Variants in MYOM2 observed in about 807,000 individuals in gnomAD.
MYOM2 encodes myomesin 2, also known as myomesin-2.
A neutral mutation model predicts 187.6 loss-of-function variants in MYOM2; 254 were observed. That is an observed-to-expected ratio of 1.35 (90% confidence interval 1.22 to 1.50). MYOM2 has a LOEUF of 1.50. Among genes scored for constraint, MYOM2 ranks in the 40% most tolerant of loss-of-function variants. MYOM2 has a pLI of 0.00. For missense variants in MYOM2, 2,796 were observed against 1,924.0 expected, an observed-to-expected ratio of 1.45 and a Z score of -8.48; for synonymous variants, 981 against 753.8, an observed-to-expected ratio of 1.30 and a Z score of -4.94.
intron 6 of MYOM2, among the ~76,000 whole-genome samples, chr8:2,062,197 C>T (rs571527406): frequency 4.1e-4 from 62 of 152,260 alleles, no homozygotes; most frequent in Middle Eastern, 6.8e-3. Flanking sequence ...CTGCAGATCA[C>T]GGGGACCCCG....
At chr8:2,125,901 C>G (rs573160164) in intron 31 of MYOM2, among the ~76,000 whole-genome samples, 1 of 151,822 alleles carries the variant, frequency 6.6e-6, no homozygotes, top group African/African-American at 2.4e-5. Context: ...CATGCTTGAG[C>G]CACTGTGCCT....
chr8:2,050,180 T>C (rs1818435762), intron 1 of MYOM2, among the ~76,000 whole-genome samples: 1 of 152,148 alleles, frequency 6.6e-6, no homozygotes, highest in Non-Finnish European at 1.5e-5. Context: ...AAGTCTCCCA[T>C]GATCCTGGAT....
chr8:2,081,822 G>C (rs1173238096), intron 13 of MYOM2: 2 of 152,284 alleles, frequency 1.3e-5, no homozygotes, highest in African/African-American at 4.8e-5. Flanking sequence ...AGTTGATAAA[G>C]TGGAAGTTTG....
At chr8:2,069,763 C>A (rs1819151829) in intron 8 of MYOM2, among the ~76,000 whole-genome samples, 1 of 152,100 alleles carries the variant, frequency 6.6e-6, no homozygotes, top group Non-Finnish European at 1.5e-5. Flanking sequence ...AGCATGCTGA[C>A]AATTTGTTCC....
At chr8:2,076,435 T>C (rs904605338) in intron 11 of MYOM2, among the ~76,000 whole-genome samples, 153 bp downstream of exon 11, 6 of 152,232 alleles carry the variant, frequency 3.9e-5, no homozygotes, top group African/African-American at 1.4e-4. Flanking sequence ...AGTTCCTATT[T>C]AGGTAATTGG....
At chr8:2,100,004 CTTCCTTCCTTTCT>C (rs1334476274) in intron 19 of MYOM2, among the ~76,000 whole-genome samples, 2 of 115,484 alleles carry the variant, frequency 1.7e-5, no homozygotes, top group Admixed American at 8.4e-5. Flanking sequence ...TCTTTCCTTC[CTTCCTTCCTTTCT>C]TTCCTTCCTT....
At chr8:2,071,674 G>A (rs557956537) in intron 8 of MYOM2, among the ~76,000 whole-genome samples, 4 of 152,206 alleles carry the variant, frequency 2.6e-5, no homozygotes, top group South Asian at 4.2e-4. Flanking sequence ...TAATTCTTCC[G>A]CAGTGGCTTG....
At chr8:2,124,725 C>G (rs1039518876) in intron 31 of MYOM2, among the ~76,000 whole-genome samples, 5 of 152,156 alleles carry the variant, frequency 3.3e-5, no homozygotes, top group African/African-American at 1.2e-4. Context: ...CAATCATGCA[C>G]AAGTGTTCCT....
At chr8:2,071,797 C>T (rs1428884579) in intron 8 of MYOM2, among the ~76,000 whole-genome samples, 1 of 152,226 alleles carries the variant, frequency 6.6e-6, no homozygotes, top group Non-Finnish European at 1.5e-5. Context: ...GGCATGGCTT[C>T]TGGTGAGGAG....
At chr8:2,055,031 T>TGGGGGAACGAAGTACCTGGATACTG (rs539818407) in intron 3 of MYOM2, among the ~76,000 whole-genome samples, 5 of 37,098 alleles carry the variant, frequency 1.3e-4, no homozygotes, top group African/African-American at 3.7e-4. Context: ...ACCTGGATAC[T>TGGGGGAACGAAGTACCTGGATACTG]GGGGAACCAA....
intron 14 of MYOM2, among the ~76,000 whole-genome samples, chr8:2,087,272 C>T (rs538970051): frequency 1.3e-5 from 2 of 152,250 alleles, no homozygotes; most frequent in South Asian, 4.1e-4. Context: ...CATATAGAAG[C>T]TTATGCCACC....
chr8:2,068,015 A>T (rs944460827), intron 6 of MYOM2, among the ~76,000 whole-genome samples: 1 of 152,142 alleles, frequency 6.6e-6, no homozygotes, highest in African/African-American at 2.4e-5. Context: ...TACGCCAGGT[A>T]CAAGCTGTGT....
intron 8 of MYOM2, among the ~76,000 whole-genome samples, chr8:2,071,925 C>T (rs148362492): frequency 7.8e-4 from 119 of 152,280 alleles, no homozygotes; most frequent in Non-Finnish European, 1.4e-3. Flanking sequence ...CCCACTCTCA[C>T]GATCTCATCC....
Position 2,117,889 on chromosome 8 carries a change from T to C in MYOM2, c.3390T>C (p.Pro1130=), listed in dbSNP as rs146153942. 6.2e-7 allele frequency: 1 copy of C among 1,612,318 alleles called. No homozygotes were observed. Among genetic ancestry groups the C allele is most frequent in the African/African-American group, 1.3e-5 (1 of 74,856 alleles). ...QRKEFLRKQG[P]HFAEYLHWDV... is the part of the protein sequence containing the mutation. ...CTTCCCTTTTTTCCTCCCTAGGCCC[T>C]CATTTTGCTGAGTACTTGCACTGGG... The change falls in exon 28 of 37, where the codon CCT becomes CCC. Residue 1130 remains proline (P), a synonymous_variant. Transcript: ENST00000262113.
intron 8 of MYOM2, among the ~76,000 whole-genome samples, chr8:2,071,591 C>G (rs191165436): frequency 1.6e-4 from 25 of 152,294 alleles, no homozygotes; most frequent in Middle Eastern, 3.4e-3. Flanking sequence ...TGGACTTAAA[C>G]CTTTGGTCTT....
chr8:2,113,295 G>A (rs775502720), intron 25 of MYOM2, among the ~76,000 whole-genome samples: 1 of 152,238 alleles, frequency 6.6e-6, no homozygotes, highest in Non-Finnish European at 1.5e-5. Context: ...TCAAGACCCT[G>A]CTCAATGTCA....
intron 13 of MYOM2, 105 bp downstream of exon 13, chr8:2,079,718 C>T (rs1485214591): frequency 3.2e-6 from 4 of 1,235,722 alleles, no homozygotes; most frequent in Non-Finnish European, 3.6e-6. Flanking sequence ...GGCACGGCCT[C>T]TGCATGGAAA....
intron 13 of MYOM2, among the ~76,000 whole-genome samples, chr8:2,083,415 GTGTGCTTAGCA>G (rs1819699700): frequency 4.1e-4 from 57 of 138,058 alleles, no homozygotes; most frequent in South Asian, 1.2e-3. Flanking sequence ...GGCATCTCAC[GTGTGCTTAGCA>G]GTATCTCATG....
rs759851699 is a variant in MYOM2 at position 2,078,944 on chromosome 8, C to G, written c.1462+11C>G. 15 of 1,612,636 alleles carry G rather than the reference C, an allele frequency of 9.3e-6. No homozygotes were observed. The South Asian group carries it at 1.3e-4, about 14-fold the overall frequency. ...TCAGAAGGTTACAAGGTAAGCTGCT[C>G]ACGCCTAAGTATCCACTGTGCCCAG... is the stretch of plus-strand genomic sequence containing the variant. On this transcript the variant is annotated intron_variant, in intron 12 of 36. Transcript: ENST00000262113.
Sources: allele counts gnomAD v4.1 joint callset (sites outside exome capture counted in the v4.1 genomes callset), GRCh38; gene constraint gnomAD v4.1.1; transcripts MANE v1.5; gene names NCBI Gene and HGNC (gene_info 2026-07-23, HGNC 2026-07-21).